The following SYNDIG1L variants were observed in gnomAD, a reference collection of about 807,000 sequenced individuals.
SYNDIG1L encodes synapse differentiation inducing 1 like.
Under a neutral mutation model 20.1 loss-of-function variants are expected in SYNDIG1L, and 13 were observed. The observed-to-expected ratio is 0.65, with a 90% CI of 0.42 to 1.03. SYNDIG1L has a LOEUF of 1.03. Among genes scored for constraint, SYNDIG1L ranks in the 50% least tolerant of loss-of-function variants. SYNDIG1L has a pLI of 0.00. For synonymous variants in SYNDIG1L, 128 were observed against 129.3 expected (o/e 0.99, Z 0.07); for missense variants, 294 against 305.1 (o/e 0.96, Z 0.27).
the SYNDIG1L span, among the ~76,000 whole-genome samples, chr14:74,446,446 AAG>A: frequency 1.3e-5 from 2 of 152,162 alleles, no homozygotes; most frequent in African/African-American, 4.8e-5. Context: ...AAGCCAAGAA[AAG>A]AGAGGGAGGA....
At chr14:74,469,333 A>T in the SYNDIG1L span, among the ~76,000 whole-genome samples, 2 of 135,806 alleles carry the variant, frequency 1.5e-5, no homozygotes, top group Non-Finnish European at 3.0e-5. Context: ...GAACACTTGG[A>T]CACAGGGTGG....
At chr14:74,408,699 G>A (rs1176686303) in intron 2 of SYNDIG1L, among the ~76,000 whole-genome samples, 2 of 152,136 alleles carry the variant, frequency 1.3e-5, no homozygotes, top group African/African-American at 4.8e-5. Flanking sequence ...AAATTACATG[G>A]AGCAATACTA....
chr14:74,414,088 A>G (rs539701179), intron 1 of SYNDIG1L, among the ~76,000 whole-genome samples: 21 of 152,312 alleles, frequency 1.4e-4, no homozygotes, highest in East Asian at 1.4e-3. Context: ...TCACTGGAGT[A>G]AGGGACCGGC....
At chr14:74,412,026 A>G (rs1182292021) in intron 1 of SYNDIG1L, among the ~76,000 whole-genome samples, 1 of 152,194 alleles carries the variant, frequency 6.6e-6, no homozygotes, top group Non-Finnish European at 1.5e-5. Flanking sequence ...ACGTCTCTCC[A>G]CAGGCAGAGA....
chr14:74,413,014 C>G (rs982658099), intron 1 of SYNDIG1L, among the ~76,000 whole-genome samples: 2 of 152,196 alleles, frequency 1.3e-5, no homozygotes. Flanking sequence ...GCCCTACGCT[C>G]TGTCTCACCA....
chr14:74,422,187 G>A lies in SYNDIG1L; in HGVS notation c.-58+3725C>T, dbSNP rs1032471419. Among the ~76,000 whole-genome samples, 8 of 152,118 alleles carry A rather than the reference G, an allele frequency of 5.3e-5. No individual in the cohort carries two copies. In the East Asian group the frequency reaches 1.3e-3, roughly 26 times the overall value. On this transcript the variant is annotated intron_variant, in intron 1 of 3. Coordinates refer to ENST00000331628, the MANE Select transcript of SYNDIG1L (RefSeq NM_001105579.2). ...CACCTAATGAAGAGTTTCAGCATCC[G>A]GCCCCACTCCCTGCTTGGTTTGCTT...
the SYNDIG1L span, among the ~76,000 whole-genome samples, chr14:74,468,702 C>T: frequency 6.6e-6 from 1 of 152,072 alleles, no homozygotes; most frequent in South Asian, 2.1e-4. Flanking sequence ...CGAGGACTTG[C>T]GTGGGCCCAC....
chr14:74,445,594 C>T, the SYNDIG1L span, among the ~76,000 whole-genome samples: 2 of 152,178 alleles, frequency 1.3e-5, no homozygotes, highest in Non-Finnish European at 2.9e-5. Flanking sequence ...CCTGCCTCAG[C>T]CTCCTGAGTA....
At chr14:74,414,534 G>A (rs2086159245) in intron 1 of SYNDIG1L, among the ~76,000 whole-genome samples, 1 of 152,182 alleles carries the variant, frequency 6.6e-6, no homozygotes, top group South Asian at 2.1e-4. Flanking sequence ...GGAATCCGCT[G>A]GAGTCAAATT....
chr14:74,449,438 C>CAAAAAAAAAAAA, the SYNDIG1L span, among the ~76,000 whole-genome samples: 69 of 34,014 alleles, frequency 2.0e-3, 23 homozygotes, highest in African/African-American at 2.7e-3. Context: ...CCTGTCTTTA[C>CAAAAAAAAAAAA]AAAAAAAAAA....
At chr14:74,447,586 CAAA>C in the SYNDIG1L span, among the ~76,000 whole-genome samples, 5,695 of 131,556 alleles carry the variant, frequency 0.043, 151 homozygotes, top group South Asian at 0.056. Context: ...AACTCTGTCT[CAAA>C]AAAAAAAAAA....
rs2086117261 is a variant in SYNDIG1L at position 74,409,815 on chromosome 14, A to C, written c.-57-14T>G. 1.5e-6 allele frequency: 2 copies of C among 1,367,428 alleles called. No homozygotes were observed. Among genetic ancestry groups the C allele is most frequent in the Non-Finnish European group, 1.9e-6 (2 of 1,053,944 alleles). 84.7% of individuals were successfully genotyped at this position (1,367,428 alleles called of 1,614,324 possible). ...AGTCCTCAGAGCCTGTCAGAAGAGC[A>C]AGACAGACAAGCACTGAGGCCAGGG... On this transcript the variant is annotated splice_polypyrimidine_tract_variant and intron_variant, in intron 1 of 3. Transcript: ENST00000331628.
At chr14:74,441,354 C>G in the SYNDIG1L span, among the ~76,000 whole-genome samples, 7 of 152,174 alleles carry the variant, frequency 4.6e-5, no homozygotes, top group African/African-American at 1.7e-4. Context: ...ACACTGAGCT[C>G]CTGCCCTGGC....
At chr14:74,417,867 AG>A (rs767222344) in intron 1 of SYNDIG1L, among the ~76,000 whole-genome samples, 2 of 152,196 alleles carry the variant, frequency 1.3e-5, no homozygotes, top group African/African-American at 2.4e-5. Flanking sequence ...TAAGAGATTT[AG>A]GGTGATTTAG....
the SYNDIG1L span, among the ~76,000 whole-genome samples, chr14:74,453,614 C>T: frequency 1.3e-5 from 2 of 151,878 alleles, no homozygotes; most frequent in African/African-American, 2.4e-5. Flanking sequence ...AATGATACCT[C>T]AATAAAGCTG....
intron 1 of SYNDIG1L, among the ~76,000 whole-genome samples, chr14:74,420,614 G>A (rs1791982975): frequency 6.6e-6 from 1 of 152,116 alleles, no homozygotes; most frequent in African/African-American, 2.4e-5. Context: ...AACCACCTGA[G>A]ACAGAAAACC....
the SYNDIG1L span, among the ~76,000 whole-genome samples, chr14:74,454,209 C>A: frequency 1.6e-4 from 25 of 151,984 alleles, no homozygotes; most frequent in African/African-American, 5.3e-4. Context: ...AGTATTATTA[C>A]CTTCATGATT....
At chr14:74,446,773 C>G in the SYNDIG1L span, among the ~76,000 whole-genome samples, 6 of 152,070 alleles carry the variant, frequency 3.9e-5, no homozygotes, top group Admixed American at 2.0e-4. Flanking sequence ...CATGCCACCA[C>G]GCTCGGCTAA....
the SYNDIG1L span, among the ~76,000 whole-genome samples, chr14:74,467,483 A>AC: frequency 2.0e-5 from 3 of 151,856 alleles, no homozygotes; most frequent in African/African-American, 7.3e-5. Flanking sequence ...GTTCCCCTCC[A>AC]CCCCCAGAGC....
Sources: gnomAD v4.1 joint callset for allele counts (sites outside exome capture counted in the v4.1 genomes callset) on GRCh38, gnomAD v4.1.1 for gene constraint, MANE v1.5 for transcripts, NCBI Gene and HGNC (gene_info 2026-07-23, HGNC 2026-07-21) for gene names.